TACR1: variants seen among roughly 807,000 people sequenced by gnomAD.
TACR1 encodes the protein tachykinin receptor 1.
In TACR1, 25 loss-of-function variants were observed where a neutral mutation model predicts 35.8. That is an observed-to-expected ratio of 0.70 (90% CI 0.51 to 0.98). TACR1 has a LOEUF of 0.98. Among genes scored for constraint, TACR1 ranks in the 50% least tolerant of loss-of-function variants. The probability of loss-of-function intolerance (pLI) is 0.00; values close to 1 mark genes in which losing one functional copy is unlikely to be tolerated. For synonymous variants in TACR1, 195 were observed against 206.7 expected (o/e 0.94, Z 0.48); for missense variants, 478 against 522.9 (o/e 0.91, Z 0.84).
intron 1 of TACR1, among the ~76,000 whole-genome samples, chr2:75,147,656 C>T (rs924659641): frequency 6.6e-5 from 10 of 151,968 alleles, no homozygotes; most frequent in Admixed American, 2.0e-4. Flanking sequence ...TGAGAAAATG[C>T]GGTGTTTGGT....
chr2:75,122,229 G>T (rs1212716153), intron 1 of TACR1, among the ~76,000 whole-genome samples: 1 of 152,186 alleles, frequency 6.6e-6, no homozygotes, highest in Non-Finnish European at 1.5e-5. Context: ...ATGGCAGGTG[G>T]TCTACTGGAG....
At chr2:75,172,767 T>A (rs7569632) in intron 1 of TACR1, among the ~76,000 whole-genome samples, 78,491 of 151,904 alleles carry the variant, frequency 0.52, 20,935 homozygotes, top group Non-Finnish European at 0.56. Flanking sequence ...TTATTTATAG[T>A]TTTGGAGGCT....
intron 1 of TACR1, among the ~76,000 whole-genome samples, chr2:75,168,931 AC>A (rs1388732733): frequency 3.3e-5 from 5 of 152,086 alleles, no homozygotes; most frequent in Non-Finnish European, 7.4e-5. Flanking sequence ...CAAAATAAAC[AC>A]CTCTTCCCTT....
chr2:75,101,685 C>T (rs988298228), intron 2 of TACR1, among the ~76,000 whole-genome samples: 5 of 152,176 alleles, frequency 3.3e-5, no homozygotes, highest in Non-Finnish European at 7.3e-5. Context: ...CGGTGGCTCA[C>T]ACCTGTAATC....
At chr2:75,156,052 C>T (rs763393313) in intron 1 of TACR1, among the ~76,000 whole-genome samples, 1 of 152,164 alleles carries the variant, frequency 6.6e-6, no homozygotes, top group East Asian at 1.9e-4. Context: ...TTAAGATATC[C>T]TGGAACACAG....
In TACR1 at chr2:75,049,567, C is replaced by T. The variant is rs1410933022; in HGVS notation, c.1089G>A (p.Gly363=). Reference sequence around the variant, plus strand: ...CGTCCTCTGGCTCCTCCTCGTGGGCCCCCACCACTGTGGAGATGGTGGTCT... The same window carrying T: ...CGTCCTCTGGCTCCTCCTCGTGGGCTCCCACCACTGTGGAGATGGTGGTCT... ...RLETTISTVV[G]AHEEEPEDGP... The change falls in exon 5 of 5, where the codon GGG becomes GGA. Residue 363 remains glycine, a synonymous_variant. Coordinates refer to ENST00000305249, the MANE Select transcript of TACR1 (RefSeq NM_001058.4). The T allele has an allele frequency of 6.2e-7, 1 of 1,614,164 alleles. No individual in the cohort carries two copies. The highest frequency in any genetic ancestry group is 2.2e-5 in the East Asian group (1 of 44,878).
At chr2:75,117,614 A>C (rs1002492949) in intron 2 of TACR1, among the ~76,000 whole-genome samples, 12 of 152,206 alleles carry the variant, frequency 7.9e-5, no homozygotes, top group Non-Finnish European at 2.9e-5. Flanking sequence ...CTCGACTTAC[A>C]ATAGGGTTAG....
At chr2:75,157,754 CA>C (rs1674898485) in intron 1 of TACR1, among the ~76,000 whole-genome samples, 1 of 152,184 alleles carries the variant, frequency 6.6e-6, no homozygotes, top group South Asian at 2.1e-4. Context: ...TTAAGCAATT[CA>C]AATATTTCAT....
At chr2:75,192,424 A>G (rs1675868065) in intron 1 of TACR1, among the ~76,000 whole-genome samples, 1 of 152,218 alleles carries the variant, frequency 6.6e-6, no homozygotes, top group South Asian at 2.1e-4. Flanking sequence ...ATGATTTAAT[A>G]ATTTATTGAA....
chr2:75,110,702 G>A (rs1210938427), intron 2 of TACR1, among the ~76,000 whole-genome samples: 2 of 151,692 alleles, frequency 1.3e-5, no homozygotes, highest in African/African-American at 4.8e-5. Flanking sequence ...CATTTTAACA[G>A]TTGTATAGTT....
At chr2:75,125,612 T>G (rs1219037546) in intron 1 of TACR1, among the ~76,000 whole-genome samples, 2 of 152,194 alleles carry the variant, frequency 1.3e-5, no homozygotes, top group African/African-American at 4.8e-5. Flanking sequence ...TCTTGGCACA[T>G]AGCAGTGGCT....
At chr2:75,080,862 A>G (rs190139854) in intron 2 of TACR1, among the ~76,000 whole-genome samples, 9 of 152,368 alleles carry the variant, frequency 5.9e-5, no homozygotes, top group African/African-American at 1.9e-4. Context: ...ATTAGCACAT[A>G]CAAAAGAAAT....
chr2:75,149,136 A>T (rs2103961985), intron 1 of TACR1, among the ~76,000 whole-genome samples: 1 of 152,220 alleles, frequency 6.6e-6, no homozygotes. Flanking sequence ...CTTGTAGTAT[A>T]GTATGAAGTC....
intron 4 of TACR1, among the ~76,000 whole-genome samples, chr2:75,050,661 G>C (rs887171135): frequency 2.0e-5 from 3 of 152,152 alleles, no homozygotes; most frequent in African/African-American, 7.2e-5. Context: ...CAACCCCTTT[G>C]ACTAAGTGAG....
At chr2:75,054,304 T>A (rs1672531720) in intron 2 of TACR1, among the ~76,000 whole-genome samples, 1 of 152,276 alleles carries the variant, frequency 6.6e-6, no homozygotes, top group Non-Finnish European at 1.5e-5. Flanking sequence ...TTATGCTATG[T>A]GATAAGTGAA....
intron 2 of TACR1, among the ~76,000 whole-genome samples, chr2:75,081,802 AGAT>A (rs1445247959): frequency 6.6e-6 from 1 of 152,034 alleles, no homozygotes; most frequent in Non-Finnish European, 1.5e-5. Flanking sequence ...AAATATTTAG[AGAT>A]GATATGCAGA....
At chr2:75,154,404 G>GCA (rs1553380917) in intron 1 of TACR1, 9 of 84,422 alleles carry the variant, frequency 1.1e-4, no homozygotes, top group African/African-American at 4.8e-4. Flanking sequence ...AGCCAAGAGC[G>GCA]CGCACGCACA....
chr2:75,193,941 G>C (rs1675907685), intron 1 of TACR1, among the ~76,000 whole-genome samples: 1 of 152,168 alleles, frequency 6.6e-6, no homozygotes, highest in Non-Finnish European at 1.5e-5. Context: ...ATCAACACTT[G>C]ATAGACTGAA....
At position 75,051,366 on chromosome 2, in the gene TACR1, T is replaced by G. The variant is rs757245314; in HGVS notation, c.817A>C (p.Ile273Leu). ...TTCTTCAGGTAGAGATCTGGGTTGATGTAGGGCAGGAGGAAGAAGATGTGG... is the reference window on the plus strand; with the variant it reads ...TTCTTCAGGTAGAGATCTGGGTTGAGGTAGGGCAGGAGGAAGAAGATGTGG... ...PFHIFFLLPY[I>L]NPDLYLKKFI... Residue 273 changes from isoleucine (I) to leucine (L), a missense_variant, in exon 4 of 5, where the codon ATC (isoleucine) becomes CTC (leucine). Transcript: ENST00000305249. 30 of 1,614,178 alleles carry G rather than the reference T, an allele frequency of 1.9e-5. No homozygotes were observed. Among genetic ancestry groups the G allele is most frequent in the Non-Finnish European group, 2.5e-5 (29 of 1,180,024 alleles).
Sources: gnomAD v4.1 joint callset for allele counts (sites outside exome capture counted in the v4.1 genomes callset) on GRCh38, gnomAD v4.1.1 for gene constraint, MANE v1.5 for transcripts, NCBI Gene and HGNC (gene_info 2026-07-23, HGNC 2026-07-21) for gene names.